The following GTF2A2 variants were observed in gnomAD, a reference collection of about 807,000 sequenced individuals.
GTF2A2 encodes transcription initiation factor IIA subunit 2.
A neutral mutation model predicts 14.3 loss-of-function variants in GTF2A2; 9 were observed. That is an observed-to-expected ratio of 0.63 (90% CI 0.38 to 1.10). The LOEUF (loss-of-function observed/expected upper bound fraction) is 1.10. GTF2A2 is among the 50% of genes least tolerant of loss of function. GTF2A2 has a pLI of 0.01. For missense variants in GTF2A2, 90 were observed against 124.6 expected (o/e 0.72, Z 1.32); for synonymous variants, 56 against 46.0 (o/e 1.22, Z -0.88).
chr15:59,641,208 A>AAGATTAAGAGT (rs1891413022), intron 4 of GTF2A2, among the ~76,000 whole-genome samples: 1 of 126,322 alleles, frequency 7.9e-6, no homozygotes, highest in Non-Finnish European at 1.7e-5. Flanking sequence ...TTTAAGGCTT[A>AAGATTAAGAGT]AGAGTAGTAA....
intron 1 of GTF2A2, among the ~76,000 whole-genome samples, chr15:59,656,345 G>A (rs1263889510): frequency 1.3e-5 from 2 of 151,758 alleles, no homozygotes; most frequent in Admixed American, 1.3e-4. Context: ...CCTACTAAAT[G>A]AGGCTCAAAC....
intron 4 of GTF2A2, chr15:59,640,265 A>T (rs12914783): frequency 6.6e-6 from 1 of 152,146 alleles, no homozygotes; most frequent in Non-Finnish European, 1.5e-5. Flanking sequence ...CTTGTATAGT[A>T]AAGAGAAACA....
At chr15:59,643,781 T>C in intron 3 of GTF2A2, among the ~76,000 whole-genome samples, 1 of 678 alleles carries the variant, frequency 1.5e-3, no homozygotes, top group Non-Finnish European at 2.7e-3. Flanking sequence ...ATATTTTTAG[T>C]AGAGATGGGT....
chr15:59,641,292 G>A (rs1334053839), intron 4 of GTF2A2, among the ~76,000 whole-genome samples: 1 of 151,428 alleles, frequency 6.6e-6, no homozygotes, highest in Non-Finnish European at 1.5e-5. Flanking sequence ...CCATCAGGTA[G>A]TGTTACAGAG....
At chr15:59,645,767 G>A (rs1891583896) in intron 3 of GTF2A2, among the ~76,000 whole-genome samples, 1 of 152,228 alleles carries the variant, frequency 6.6e-6, no homozygotes, top group Non-Finnish European at 1.5e-5. Flanking sequence ...CGGGTGTGGT[G>A]GCTCACACCT....
rs1176679380 is a variant in GTF2A2, at chr15:59,644,802, G to A, written c.178-2540C>T. Among the ~76,000 whole-genome samples the A allele has an allele frequency of 2.6e-5, 4 of 152,206 alleles. No homozygotes were observed. In the South Asian group the frequency reaches 8.3e-4, roughly 32 times the overall value. On this transcript the variant is annotated intron_variant, in intron 3 of 4. Coordinates refer to ENST00000396060, the MANE Select transcript of GTF2A2 (RefSeq NM_004492.3). The stretch of plus-strand genomic sequence containing the variant: ...GATTCCAGAAAACAGAACGTGTCAG[G>A]AGGTCCTAAGATAAAGGAGAACCTT...
chr15:59,648,730 A>C (rs747862728), intron 3 of GTF2A2, among the ~76,000 whole-genome samples: 13 of 152,048 alleles, frequency 8.5e-5, no homozygotes, highest in Admixed American at 2.6e-4. Context: ...GTCAGGAGAT[A>C]GAGACCATCC....
chr15:59,639,203 A>ATTTAATTTTACAATTAACTATT, intron 4 of GTF2A2, 46 bp from the exon 5 acceptor site: 1 of 1,167,396 alleles, frequency 8.6e-7, no homozygotes, highest in Non-Finnish European at 1.3e-6. Context: ...TCAAGGAGCA[A>ATTTAATTTTACAATTAACTATT]TTTAATTTTA....
At chr15:59,656,623 A>G (rs1485922006) in intron 1 of GTF2A2, among the ~76,000 whole-genome samples, 2 of 152,178 alleles carry the variant, frequency 1.3e-5, no homozygotes, top group African/African-American at 2.4e-5. Flanking sequence ...GGCAAATATC[A>G]GTAAGTATAA....
intron 3 of GTF2A2, among the ~76,000 whole-genome samples, chr15:59,650,247 G>A (rs4775192): frequency 0.069 from 10,515 of 152,196 alleles, 617 homozygotes; most frequent in East Asian, 0.25. Flanking sequence ...CCTAAGAGTC[G>A]GAGGGAGGCA....
At chr15:59,651,306 T>C (rs1891785571) in intron 2 of GTF2A2, 1 of 152,824 alleles carries the variant, frequency 6.5e-6, no homozygotes, top group African/African-American at 2.4e-5. Flanking sequence ...GCCTCCCAAG[T>C]AGCTGGGATT....
intron 2 of GTF2A2, chr15:59,651,674 A>C (rs1282152994): frequency 6.6e-6 from 1 of 152,124 alleles, no homozygotes; most frequent in Admixed American, 6.5e-5. Context: ...TGTTGAACAA[A>C]AATTTTTGAA....
chr15:59,646,077 GAC>G (rs1891596636), intron 3 of GTF2A2, among the ~76,000 whole-genome samples: 1 of 150,354 alleles, frequency 6.7e-6, no homozygotes, highest in African/African-American at 2.4e-5. Flanking sequence ...TTTGTTTTGA[GAC>G]AGAGTCTTGC....
chr15:59,650,927 A>G (rs189668266), intron 2 of GTF2A2, among the ~76,000 whole-genome samples, 154 bp from the exon 3 acceptor site: 7 of 152,238 alleles, frequency 4.6e-5, no homozygotes, highest in African/African-American at 1.7e-4. Flanking sequence ...CTGATGATGA[A>G]GCACCAAGCT....
intron 3 of GTF2A2, among the ~76,000 whole-genome samples, chr15:59,644,020 A>G (rs531527531): frequency 6.6e-6 from 1 of 151,962 alleles, no homozygotes; most frequent in Non-Finnish European, 1.5e-5. Flanking sequence ...TCAGCCTCCC[A>G]AGTAGCTGGG....
chr15:59,639,187 G>C (rs570526951), intron 4 of GTF2A2, 30 bp from the exon 5 acceptor site: 1 of 1,275,260 alleles, frequency 7.8e-7, no homozygotes, highest in Admixed American at 1.7e-5. Flanking sequence ...GTAAAGTAAA[G>C]TAAATTCAAG....
chr15:59,655,956 G>T (rs748180122), intron 1 of GTF2A2, among the ~76,000 whole-genome samples: 1 of 152,018 alleles, frequency 6.6e-6, no homozygotes, highest in Non-Finnish European at 1.5e-5. Flanking sequence ...GGCCACTCTC[G>T]TCATCTGGAT....
intron 1 of GTF2A2, chr15:59,657,078 T>A (rs1891968161): frequency 6.6e-6 from 1 of 152,260 alleles, no homozygotes; most frequent in African/African-American, 2.4e-5. Context: ...CTCTCCGAAA[T>A]TCGGCAAAAC....
At chr15:59,644,910 T>C (rs1891552027) in intron 3 of GTF2A2, among the ~76,000 whole-genome samples, 1 of 152,202 alleles carries the variant, frequency 6.6e-6, no homozygotes, top group East Asian at 1.9e-4. Flanking sequence ...TTTGCATTTT[T>C]GGTGATGACA....
Sources: gnomAD v4.1 joint callset for allele counts (sites outside exome capture counted in the v4.1 genomes callset) on GRCh38, gnomAD v4.1.1 for gene constraint, MANE v1.5 for transcripts, NCBI Gene and HGNC (gene_info 2026-07-23, HGNC 2026-07-21) for gene names.